The following NEDD4L variants were observed in gnomAD, a reference collection of about 807,000 sequenced individuals.
The protein encoded by NEDD4L is NEDD4 like E3 ubiquitin protein ligase, also known as E3 ubiquitin-protein ligase NEDD4-like.
NEDD4L carries 54 observed loss-of-function variants against 148.9 expected under a neutral mutation model. The ratio of observed to expected loss-of-function variants is 0.36; its 90% CI spans 0.29 to 0.45. The LOEUF (loss-of-function observed/expected upper bound fraction) is 0.45, where lower values mean the gene tolerates loss of function less well. Among genes scored for constraint, NEDD4L ranks in the 20% least tolerant of loss-of-function variants. The pLI is 1.00. For synonymous variants in NEDD4L, 433 were observed against 440.7 expected, an observed-to-expected ratio of 0.98 and a Z score of 0.22; for missense variants, 856 against 1,233.8, an observed-to-expected ratio of 0.69 and a Z score of 4.59.
At chr18:58,358,381 TA>T (rs1477660700) in intron 19 of NEDD4L, among the ~76,000 whole-genome samples, 1 of 152,216 alleles carries the variant, frequency 6.6e-6, no homozygotes, top group African/African-American at 2.4e-5. Context: ...TTGATATATA[TA>T]TATTCGCAGT....
intron 23 of NEDD4L, 55 bp from the exon 24 acceptor site, chr18:58,373,119 G>T (rs2047113992): frequency 1.1e-6 from 1 of 899,200 alleles, no homozygotes; most frequent in African/African-American, 1.7e-5. Context: ...GAAGTCAAAT[G>T]AGTTTGTATT....
intron 2 of NEDD4L, among the ~76,000 whole-genome samples, chr18:58,175,575 G>A (rs923932113): frequency 3.3e-5 from 5 of 152,252 alleles, no homozygotes; most frequent in Non-Finnish European, 2.9e-5. Context: ...GCATTGCTGA[G>A]AATCACAACA....
At chr18:58,290,697 C>T (rs1600763970) in intron 5 of NEDD4L, among the ~76,000 whole-genome samples, 1 of 150,756 alleles carries the variant, frequency 6.6e-6, no homozygotes, top group African/African-American at 2.4e-5. Context: ...ATTATTATTG[C>T]TGGACTGTGG....
In NEDD4L at chr18:58,382,179, T is replaced by C. The variant is rs17064936; in HGVS notation, c.2353-1067T>C. Reference sequence around the variant, plus strand: ...CAGTGTGAATGGGAACAAGAGCCAGTGCGTGGAGAAGCCGCATGAGAGACC... The same window carrying C: ...CAGTGTGAATGGGAACAAGAGCCAGCGCGTGGAGAAGCCGCATGAGAGACC... On this transcript the variant is annotated intron_variant, in intron 24 of 30. Coordinates refer to ENST00000400345, the MANE Select transcript of NEDD4L (RefSeq NM_001144967.3). Among the ~76,000 whole-genome samples the C allele has an allele frequency of 7.6e-3, 1,150 of 152,302 alleles. 12 individuals are homozygous for C. Among genetic ancestry groups the C allele is most frequent in the African/African-American group, 0.027 (1,103 of 41,556 alleles).
intron 1 of NEDD4L, among the ~76,000 whole-genome samples, chr18:58,102,459 C>G (rs2084814041): frequency 6.6e-6 from 1 of 152,150 alleles, no homozygotes; most frequent in African/African-American, 2.4e-5. Flanking sequence ...AGTATGATAA[C>G]ACTTTTCTTT....
chr18:58,370,702 T>G (rs2046745742), intron 23 of NEDD4L, among the ~76,000 whole-genome samples: 1 of 152,238 alleles, frequency 6.6e-6, no homozygotes, highest in Non-Finnish European at 1.5e-5. Flanking sequence ...CCCAGTTGCC[T>G]CTGCTTACCC....
chr18:58,197,529 A>G (rs377294396), intron 2 of NEDD4L, among the ~76,000 whole-genome samples: 1 of 152,202 alleles, frequency 6.6e-6, no homozygotes. Flanking sequence ...ATCCAGATGC[A>G]TTTTTCAACT....
At chr18:58,331,031 T>G in intron 11 of NEDD4L, 117 bp downstream of exon 11, 1 of 1,014,436 alleles carries the variant, frequency 9.9e-7, no homozygotes, top group Non-Finnish European at 1.4e-6. Context: ...CAGCTAACTC[T>G]GACATTTTCC....
intron 3 of NEDD4L, among the ~76,000 whole-genome samples, chr18:58,248,066 A>C (rs941802309): frequency 6.6e-6 from 1 of 152,238 alleles, no homozygotes; most frequent in African/African-American, 2.4e-5. Flanking sequence ...TTGACTAAAA[A>C]TATCTATCGC....
intron 5 of NEDD4L, among the ~76,000 whole-genome samples, chr18:58,274,383 G>A (rs1451635793): frequency 2.0e-5 from 3 of 152,298 alleles, no homozygotes; most frequent in African/African-American, 4.8e-5. Flanking sequence ...CCGCCTGTAC[G>A]TGAGCTCCCT....
intron 1 of NEDD4L, among the ~76,000 whole-genome samples, chr18:58,151,623 A>G (rs1467956086): frequency 2.0e-3 from 114 of 56,658 alleles, no homozygotes; most frequent in African/African-American, 7.0e-3. Flanking sequence ...CTGTGCCTGG[A>G]TATGTGTGTG....
intron 16 of NEDD4L, among the ~76,000 whole-genome samples, chr18:58,343,683 T>C (rs1188550518): frequency 6.6e-6 from 1 of 152,228 alleles, no homozygotes; most frequent in Non-Finnish European, 1.5e-5. Context: ...TTTCTTACCA[T>C]GCAACTCTTT....
intron 30 of NEDD4L, 148 bp from the exon 31 acceptor site, chr18:58,396,019 G>A (rs1602109656): frequency 1.8e-6 from 1 of 558,216 alleles, no homozygotes; most frequent in East Asian, 3.1e-5. Flanking sequence ...ATGTTTCATA[G>A]CTAGAGGTTT....
Position 58,044,543 on chromosome 18 carries a change from G to A in NEDD4L, c.-118G>A, listed in dbSNP as rs1245349561. 1 of 1,264,314 alleles carries A rather than the reference G, an allele frequency of 7.9e-7. No homozygotes were observed. Among genetic ancestry groups the A allele is most frequent in the Admixed American group, 4.2e-5 (1 of 23,804 alleles). The allele number at this position is 1,264,314 out of a possible 1,614,324, so 78.3% of individuals were successfully genotyped here. On this transcript the variant is annotated 5_prime_UTR_variant, in exon 1 of 31. Transcript: ENST00000400345. ...GGCGCCCGGCCGCTTACCCGGCAGG[G>A]CGTGCGCAGGGTAGGGTGCGGGACC...
intron 2 of NEDD4L, among the ~76,000 whole-genome samples, chr18:58,223,699 A>G (rs1462393371): frequency 1.3e-5 from 2 of 152,212 alleles, no homozygotes; most frequent in African/African-American, 2.4e-5. Flanking sequence ...GTGTGCTAGT[A>G]ACATAGACGG....
At chr18:58,255,944 G>T (rs2048472865) in intron 5 of NEDD4L, 2 of 1,230,926 alleles carry the variant, frequency 1.6e-6, no homozygotes, top group Non-Finnish European at 2.0e-6. Flanking sequence ...GGCCACGGAC[G>T]GGGCCACGGA....
intron 1 of NEDD4L, among the ~76,000 whole-genome samples, chr18:58,082,093 TA>T (rs1202675828): frequency 1.1e-5 from 1 of 93,656 alleles, no homozygotes; most frequent in African/African-American, 6.9e-5. Flanking sequence ...TATATATATA[TA>T]TATATATATT....
intron 2 of NEDD4L, among the ~76,000 whole-genome samples, chr18:58,235,463 C>CAAGCCGAGTCCTGGGAACCAA (rs2045902320): frequency 6.6e-6 from 1 of 152,182 alleles, no homozygotes. Context: ...AAGTGAAGTG[C>CAAGCCGAGTCCTGGGAACCAA]AAGCCGAGTC....
At chr18:58,102,677 AT>A (rs1165415366) in intron 1 of NEDD4L, among the ~76,000 whole-genome samples, 1 of 152,172 alleles carries the variant, frequency 6.6e-6, no homozygotes, top group Non-Finnish European at 1.5e-5. Flanking sequence ...TATCACATCT[AT>A]TTATGTAGCA....
Sources: allele counts gnomAD v4.1 joint callset (sites outside exome capture counted in the v4.1 genomes callset), GRCh38; gene constraint gnomAD v4.1.1; transcripts MANE v1.5; gene names NCBI Gene and HGNC (gene_info 2026-07-23, HGNC 2026-07-21).